The following CCDC7 variants were observed in gnomAD, a reference collection of about 807,000 sequenced individuals.
The protein encoded by CCDC7 is coiled-coil domain-containing protein 7.
In CCDC7, 183 loss-of-function variants were observed where a neutral mutation model predicts 196.9. The ratio of observed to expected loss-of-function variants is 0.93; its 90% CI spans 0.82 to 1.05. The LOEUF is 1.05. Ranked by LOEUF, CCDC7 falls within the 50% of genes least tolerant of loss-of-function variation. The pLI is 0.00. For synonymous variants in CCDC7, 525 were observed against 484.6 expected (o/e 1.08, Z -1.10); for missense variants, 1,540 against 1,482.2 (o/e 1.04, Z -0.64).
intron 5 of CCDC7, among the ~76,000 whole-genome samples, chr10:32,465,812 C>T (rs746767930): frequency 3.5e-4 from 53 of 152,102 alleles, no homozygotes; most frequent in Admixed American, 6.5e-5. Context: ...TGCAATGGGT[C>T]AGAAATATGA....
chr10:32,588,473 T>C (rs1428369277), intron 18 of CCDC7, among the ~76,000 whole-genome samples: 1 of 152,204 alleles, frequency 6.6e-6, no homozygotes, highest in East Asian at 1.9e-4. Context: ...TGAGTGATTT[T>C]CCTAGTTTGA....
chr10:32,801,438 G>T (rs1017749040), intron 29 of CCDC7, among the ~76,000 whole-genome samples: 1 of 152,212 alleles, frequency 6.6e-6, no homozygotes, highest in African/African-American at 2.4e-5. Context: ...AACATTAAAT[G>T]CAGAATCCCT....
At chr10:32,584,407 A>C in intron 18 of CCDC7, 103 bp downstream of exon 19, 4 of 748,336 alleles carry the variant, frequency 5.3e-6, no homozygotes, top group Non-Finnish European at 8.5e-6. Context: ...TAAATATACA[A>C]ACAACTTGTT....
In CCDC7 at chr10:32,567,661, T is replaced by A. The variant is rs750528238; in HGVS notation, c.1198-9T>A. On this transcript the variant is annotated splice_polypyrimidine_tract_variant and intron_variant, in intron 14 of 41. Transcript: ENST00000639629. Reference sequence around the variant, plus strand: ...AATGCTTAATAAACTGGTACTTTTTTAAAAACAGGAAGCTGAAAAAGCTAA... The same window carrying A: ...AATGCTTAATAAACTGGTACTTTTTAAAAAACAGGAAGCTGAAAAAGCTAA... 3.1e-6 allele frequency: 5 copies of A among 1,600,342 alleles called. No homozygotes were observed. The highest frequency in any genetic ancestry group is 2.2e-5 in the East Asian group (1 of 44,572).
intron 18 of CCDC7, among the ~76,000 whole-genome samples, chr10:32,591,843 G>C (rs143463720): frequency 6.6e-6 from 1 of 152,316 alleles, no homozygotes; most frequent in African/African-American, 2.4e-5. Flanking sequence ...GGTAGGTCCA[G>C]AAATGCCATC....
Position 32,850,347 on chromosome 10 carries a change from C to T in CCDC7, c.3896-1460C>T, listed in dbSNP as rs116999580. On this transcript the variant is annotated intron_variant, in intron 39 of 41. Coordinates refer to ENST00000639629, the Ensembl canonical transcript of CCDC7. ...ACTGGCCCAGGAGGTGACTTGGCTG[C>T]ATGTTTCTCATCATCCAGCCAACTA... Among the ~76,000 whole-genome samples, 1,173 of 152,284 alleles carry T rather than the reference C, an allele frequency of 7.7e-3. 8 individuals are homozygous for T. Among genetic ancestry groups the T allele is most frequent in the Non-Finnish European group, 0.012 (834 of 68,032 alleles).
intron 13 of CCDC7, among the ~76,000 whole-genome samples, chr10:32,556,355 A>T (rs2054342373): frequency 1.3e-5 from 2 of 152,204 alleles, no homozygotes; most frequent in Admixed American, 1.3e-4. Flanking sequence ...GTTTGAGTTG[A>T]TGGTTCCAGC....
At chr10:32,691,594 G>A (rs546036487) in intron 23 of CCDC7, among the ~76,000 whole-genome samples, 152 of 152,322 alleles carry the variant, frequency 1.0e-3, no homozygotes, top group African/African-American at 3.5e-3. Flanking sequence ...GCTATGAAAT[G>A]AAACTAGACA....
At chr10:32,723,373 T>A (rs1256930830) in intron 25 of CCDC7, among the ~76,000 whole-genome samples, 1 of 152,170 alleles carries the variant, frequency 6.6e-6, no homozygotes, top group African/African-American at 2.4e-5. Flanking sequence ...CATGGCCTTA[T>A]GAGGATGTTT....
At chr10:32,725,226 C>A in intron 25 of CCDC7, 1 of 418,776 alleles carries the variant, frequency 2.4e-6, no homozygotes, top group South Asian at 1.8e-5. Context: ...AATCCTTTCT[C>A]TCGAAGCACC....
At chr10:32,494,482 G>C (rs980077195) in intron 9 of CCDC7, among the ~76,000 whole-genome samples, 3 of 151,846 alleles carry the variant, frequency 2.0e-5, no homozygotes, top group African/African-American at 7.3e-5. Flanking sequence ...TGCCATGCTG[G>C]TTTGCTGCAC....
intron 18 of CCDC7, among the ~76,000 whole-genome samples, chr10:32,621,478 C>T (rs1307618261): frequency 6.6e-6 from 1 of 152,144 alleles, no homozygotes; most frequent in Non-Finnish European, 1.5e-5. Context: ...CTGTCTATAT[C>T]TCTATCAATA....
intron 41 of CCDC7, among the ~76,000 whole-genome samples, chr10:32,857,476 A>G (rs1285691779): frequency 6.6e-6 from 1 of 152,198 alleles, no homozygotes; most frequent in African/African-American, 2.4e-5. Context: ...AACAAAAGGA[A>G]TCTTGAAAAT....
intron 29 of CCDC7, among the ~76,000 whole-genome samples, chr10:32,793,234 A>G (rs2083004883): frequency 6.6e-6 from 1 of 152,174 alleles, no homozygotes; most frequent in South Asian, 2.1e-4. Context: ...TTGGAAGATT[A>G]CATAATCAAG....
rs2093235568 is a variant in CCDC7, at chr10:32,845,528, GTT to G, written c.3437-12_3437-11del. ...AATCTTACAAAATATACTGAAATCT[GTT>G]TTATTTCTATAGAGACTGATAAGAA... On this transcript the variant is annotated splice_polypyrimidine_tract_variant and intron_variant, in intron 34 of 41. Transcript: ENST00000639629. 6.3e-7 allele frequency: 1 copy of G among 1,580,954 alleles called. No individual in the cohort carries two copies. Among genetic ancestry groups the G allele is most frequent in the African/African-American group, 1.4e-5 (1 of 73,632 alleles).
At chr10:32,578,770 T>TTGG (rs1255465845) in intron 16 of CCDC7, among the ~76,000 whole-genome samples, 1 of 152,102 alleles carries the variant, frequency 6.6e-6, no homozygotes, top group Non-Finnish European at 1.5e-5. Flanking sequence ...TATCAGTTTG[T>TTGG]GGTCCAGGGG....
chr10:32,851,720 G>T, intron 39 of CCDC7, 87 bp from the exon 41 acceptor site: 1 of 1,229,720 alleles, frequency 8.1e-7, no homozygotes, highest in South Asian at 1.5e-5. Flanking sequence ...ATGCTTTGAT[G>T]TTGTGTGCAT....
chr10:32,865,675 A>G (rs2094177267), intron 41 of CCDC7, among the ~76,000 whole-genome samples: 1 of 151,914 alleles, frequency 6.6e-6, no homozygotes, highest in East Asian at 1.9e-4. Context: ...AGGCATTGTC[A>G]AAACTCACCT....
At chr10:32,657,853 A>G (rs1389616619) in intron 20 of CCDC7, among the ~76,000 whole-genome samples, 1 of 152,178 alleles carries the variant, frequency 6.6e-6, no homozygotes, top group Non-Finnish European at 1.5e-5. Context: ...TTCCTCTTGA[A>G]CACTTTGCTG....
Sources: allele counts gnomAD v4.1 joint callset (sites outside exome capture counted in the v4.1 genomes callset), GRCh38; gene constraint gnomAD v4.1.1; transcripts MANE v1.5; gene names NCBI Gene and HGNC (gene_info 2026-07-23, HGNC 2026-07-21).